The following CDC42BPA variants were observed in gnomAD, a reference collection of about 807,000 sequenced individuals.
The protein encoded by CDC42BPA is serine/threonine-protein kinase MRCK alpha.
In CDC42BPA, 80 loss-of-function variants were observed where a neutral mutation model predicts 223.5. The ratio of observed to expected loss-of-function variants is 0.36; its 90% CI spans 0.30 to 0.43. The LOEUF is 0.43. Ranked by LOEUF, CDC42BPA falls within the 20% of genes least tolerant of loss-of-function variation. CDC42BPA has a pLI of 1.00. For synonymous variants in CDC42BPA, 694 were observed against 718.6 expected (o/e 0.97, Z 0.55); for missense variants, 1,743 against 2,099.9 (o/e 0.83, Z 3.32).
intron 20 of CDC42BPA, among the ~76,000 whole-genome samples, chr1:227,070,405 T>G (rs1386213062): frequency 6.6e-6 from 1 of 151,792 alleles, no homozygotes; most frequent in African/African-American, 2.4e-5. Flanking sequence ...TTTTAAAAAT[T>G]CATACATATC....
Position 227,081,010 on chromosome 1 carries a change from G to C in CDC42BPA, c.2363C>G (p.Thr788Ser). 6.2e-7 allele frequency: 1 copy of C among 1,613,344 alleles called. No homozygotes were observed. Residue 788 changes from threonine (T) to serine (S), a missense_variant, in exon 17 of 37, where the codon ACT (threonine) becomes AGT (serine). Thr to Ser is a moderately conservative substitution (Grantham distance 58, BLOSUM62 1). This residue lies in a region of CDC42BPA where 464 missense variants were observed against 488.0 expected (regional missense o/e 0.95). Transcript: ENST00000366766. ...KLTSELDKLT[T>S]LYENLSIHNQ... The stretch of plus-strand genomic sequence containing the variant: ...GTGTATACTTAAGTTCTCATACAAA[G>C]TAGTAAGCTGAAAGATAGTTTTAAG...
At position 227,193,938 on chromosome 1, in the gene CDC42BPA, T is replaced by G; in HGVS notation, c.451-4A>C. The G allele has an allele frequency of 6.3e-7, 1 of 1,592,758 alleles. No individual in the cohort carries two copies. The highest frequency in any genetic ancestry group is 8.5e-7 in the Non-Finnish European group (1 of 1,171,294). On this transcript the variant is annotated splice_region_variant and splice_polypyrimidine_tract_variant and intron_variant, in intron 4 of 36. Transcript: ENST00000366766. ...CATAATAATCCATAACCAGGTACTG[T>G]GAATGAAAAAAATAAAATGTACTCA...
At chr1:227,211,951 A>T (rs1291140031) in intron 3 of CDC42BPA, among the ~76,000 whole-genome samples, 1 of 152,190 alleles carries the variant, frequency 6.6e-6, no homozygotes, top group East Asian at 1.9e-4. Flanking sequence ...ATAGTATTTT[A>T]AAAGTAATAA....
chr1:227,255,988 T>C (rs570800135), intron 1 of CDC42BPA, among the ~76,000 whole-genome samples: 4 of 152,160 alleles, frequency 2.6e-5, no homozygotes, highest in East Asian at 1.9e-4. Flanking sequence ...AGACAACCCA[T>C]AGAATGGGAA....
intron 17 of CDC42BPA, among the ~76,000 whole-genome samples, chr1:227,079,647 A>C (rs902049551): frequency 5.9e-5 from 9 of 152,134 alleles, no homozygotes; most frequent in Admixed American, 3.3e-4. Context: ...CTAGAACCCA[A>C]ATAAATTTCC....
chr1:227,196,968 T>C (rs1670864425), intron 4 of CDC42BPA, among the ~76,000 whole-genome samples: 1 of 152,160 alleles, frequency 6.6e-6, no homozygotes, highest in Non-Finnish European at 1.5e-5. Context: ...AATGAGCTTT[T>C]CTTAAAGAAA....
At chr1:227,057,096 A>G (rs1488071604) in intron 21 of CDC42BPA, among the ~76,000 whole-genome samples, 1 of 152,208 alleles carries the variant, frequency 6.6e-6, no homozygotes, top group African/African-American at 2.4e-5. Context: ...TACGTGGGCT[A>G]TAAAATCTCT....
Position 227,185,508 on chromosome 1 carries a change from C to T in CDC42BPA, c.599+8278G>A, listed in dbSNP as rs569413328. ...GAGAGGGTGGGAGGGCCAGTTTTTTCGCCGGCTACGTGAATGACATGCCTG... is the reference window on the plus strand; with the variant it reads ...GAGAGGGTGGGAGGGCCAGTTTTTTTGCCGGCTACGTGAATGACATGCCTG... On this transcript the variant is annotated intron_variant, in intron 5 of 36. Coordinates refer to ENST00000366766, the MANE Select transcript of CDC42BPA (RefSeq NM_001394014.1). Among the ~76,000 whole-genome samples the T allele has an allele frequency of 3.9e-5, 6 of 152,184 alleles. No homozygotes were observed. In the East Asian group the frequency reaches 1.2e-3, roughly 29 times the overall value.
At chr1:227,141,224 G>C (rs1435221775) in intron 9 of CDC42BPA, among the ~76,000 whole-genome samples, 1 of 152,174 alleles carries the variant, frequency 6.6e-6, no homozygotes, top group Non-Finnish European at 1.5e-5. Context: ...AGAAACAACA[G>C]TATGAGAAAC....
chr1:227,262,091 G>A (rs2148373934), intron 1 of CDC42BPA, among the ~76,000 whole-genome samples: 1 of 152,138 alleles, frequency 6.6e-6, no homozygotes, highest in South Asian at 2.1e-4. Flanking sequence ...CCAAAATGGG[G>A]AAAGTTGGCA....
intron 1 of CDC42BPA, among the ~76,000 whole-genome samples, chr1:227,288,339 T>C (rs1000022176): frequency 6.6e-6 from 1 of 152,114 alleles, no homozygotes; most frequent in African/African-American, 2.4e-5. Flanking sequence ...CGTGCCACTA[T>C]ACTCCAGCCT....
intron 1 of CDC42BPA, 40 bp downstream of exon 1, chr1:227,316,957 TAATGACCA>T: frequency 7.1e-7 from 1 of 1,404,506 alleles, no homozygotes; most frequent in Non-Finnish European, 1.0e-6. Flanking sequence ...AATTAAATCA[TAATGACCA>T]GCTAAAGATT....
intron 1 of CDC42BPA, among the ~76,000 whole-genome samples, chr1:227,265,968 C>T (rs533620111): frequency 5.3e-4 from 80 of 152,260 alleles, no homozygotes; most frequent in Admixed American, 4.5e-3. Flanking sequence ...GGGATTAAGT[C>T]CGCTTTGTTC....
At chr1:227,191,792 A>G (rs879335342) in intron 5 of CDC42BPA, among the ~76,000 whole-genome samples, 12 of 152,150 alleles carry the variant, frequency 7.9e-5, no homozygotes, top group Non-Finnish European at 1.8e-4. Flanking sequence ...TTCTCATTCT[A>G]TAACTGACTC....
chr1:227,242,494 A>T (rs1680192596), intron 2 of CDC42BPA, among the ~76,000 whole-genome samples: 1 of 152,168 alleles, frequency 6.6e-6, no homozygotes, highest in Non-Finnish European at 1.5e-5. Context: ...CAAGATGAAC[A>T]TATAGAGAAT....
chr1:227,120,973 C>T (rs1256383688), intron 11 of CDC42BPA, among the ~76,000 whole-genome samples: 1 of 152,196 alleles, frequency 6.6e-6, no homozygotes, highest in African/African-American at 2.4e-5. Flanking sequence ...CTCGCATGAG[C>T]AGTTCACAAT....
At chr1:227,099,733 A>G (rs1011363311) in intron 15 of CDC42BPA, among the ~76,000 whole-genome samples, 2 of 152,128 alleles carry the variant, frequency 1.3e-5, no homozygotes, top group African/African-American at 4.8e-5. Context: ...ACATCTGTAT[A>G]AACATCTCTT....
intron 1 of CDC42BPA, among the ~76,000 whole-genome samples, chr1:227,309,203 CAAAAAAAAAA>C (rs35336462): frequency 7.7e-6 from 1 of 130,044 alleles, no homozygotes; most frequent in Admixed American, 8.0e-5. Flanking sequence ...CTATCTCTAC[CAAAAAAAAAA>C]AAAAAAAAAT....
At chr1:227,005,597 C>T (rs925025556) in intron 34 of CDC42BPA, among the ~76,000 whole-genome samples, 1 of 152,198 alleles carries the variant, frequency 6.6e-6, no homozygotes, top group African/African-American at 2.4e-5. Flanking sequence ...ACCCCAGTCA[C>T]CAGGCATCTT....
Sources: allele counts gnomAD v4.1 joint callset (sites outside exome capture counted in the v4.1 genomes callset), GRCh38; gene constraint gnomAD v4.1.1; regional missense constraint gnomAD v4.1.1; transcripts MANE v1.5; gene names NCBI Gene and HGNC (gene_info 2026-07-23, HGNC 2026-07-21).